Variants in DYRK1A observed in about 807,000 individuals in gnomAD.
DYRK1A encodes the protein dual specificity tyrosine-phosphorylation-regulated kinase 1A.
A neutral mutation model predicts 79.7 loss-of-function variants in DYRK1A; 9 were observed. That is an observed-to-expected ratio of 0.11 (90% CI 0.07 to 0.20). The LOEUF (loss-of-function observed/expected upper bound fraction) is 0.20. DYRK1A is among the 10% of genes least tolerant of loss of function. The pLI is 1.00. For synonymous variants in DYRK1A, 349 were observed against 329.7 expected, an observed-to-expected ratio of 1.06 and a Z score of -0.63; for missense variants, 622 against 956.0, an observed-to-expected ratio of 0.65 and a Z score of 4.61.
rs2053898325 is a variant in DYRK1A, at chr21:37,518,006, T to C, written c.*5475T>C. On this transcript the variant is annotated 3_prime_UTR_variant, in exon 12 of 12. Coordinates refer to ENST00000647188, the MANE Select transcript of DYRK1A (RefSeq NM_001347721.2). The stretch of plus-strand genomic sequence containing the variant: ...ACAACTGGGCTAGGTGATCCTCCCA[T>C]CTCAGCCTCCCAAGTAGCTGGGACT... 6.6e-6 allele frequency: 1 copy of C among 152,182 alleles called. No individual in the cohort carries two copies. The allele number at this position is 152,182 out of a possible 1,614,324, so 9.4% of individuals were successfully genotyped here.
chr21:37,436,441 C>T (rs192268345), intron 2 of DYRK1A, among the ~76,000 whole-genome samples: 1 of 152,262 alleles, frequency 6.6e-6, no homozygotes, highest in East Asian at 1.9e-4. Flanking sequence ...TTCCAGCTAG[C>T]ACCATTTCTG....
intron 2 of DYRK1A, among the ~76,000 whole-genome samples, chr21:37,453,336 C>G (rs185074682): frequency 7.0e-4 from 106 of 152,260 alleles, no homozygotes; most frequent in African/African-American, 2.4e-3. Context: ...CTATTGTTGA[C>G]TGCATTGGAC....
At chr21:37,477,645 G>A (rs1208450970) in intron 3 of DYRK1A, among the ~76,000 whole-genome samples, 1 of 152,176 alleles carries the variant, frequency 6.6e-6, no homozygotes, top group Non-Finnish European at 1.5e-5. Flanking sequence ...ATTTGTCAGA[G>A]GGCAGCAGGG....
At chr21:37,496,285 G>A (rs2053267032) in intron 9 of DYRK1A, 27 bp downstream of exon 9, 1 of 1,583,836 alleles carries the variant, frequency 6.3e-7, no homozygotes, top group Admixed American at 1.9e-5. Context: ...TCTGTTTTGA[G>A]CCTTTATTAA....
At chr21:37,494,341 T>C (rs1281934966) in intron 8 of DYRK1A, among the ~76,000 whole-genome samples, 5 of 152,092 alleles carry the variant, frequency 3.3e-5, no homozygotes, top group African/African-American at 1.2e-4. Flanking sequence ...ATGTTACTCA[T>C]TGTAAAGGCC....
intron 2 of DYRK1A, 81 bp downstream of exon 2, chr21:37,420,465 TC>T (rs1235360528): frequency 7.7e-6 from 11 of 1,430,860 alleles, no homozygotes; most frequent in Non-Finnish European, 1.1e-5. Context: ...GGGGGAGGTT[TC>T]TGATAAATAG....
chr21:37,511,454 A>G (rs953135789), intron 11 of DYRK1A, among the ~76,000 whole-genome samples: 1 of 152,244 alleles, frequency 6.6e-6, no homozygotes, highest in Non-Finnish European at 1.5e-5. Flanking sequence ...AGGTAGACTC[A>G]TAAGTTCTTG....
upstream of DYRK1A, among the ~76,000 whole-genome samples, chr21:37,366,697 CTCGGGGCTGGG>C (rs1280249774): frequency 6.6e-6 from 1 of 151,778 alleles, no homozygotes; most frequent in Non-Finnish European, 1.5e-5. Context: ...CGCCCGCCGG[CTCGGGGCTGGG>C]GGGCGGGAGG....
chr21:37,416,631 A>T (rs1426172398), intron 1 of DYRK1A, among the ~76,000 whole-genome samples: 2 of 152,136 alleles, frequency 1.3e-5, no homozygotes, highest in African/African-American at 4.8e-5. Flanking sequence ...AATGAGCCAA[A>T]GTTTATAAGA....
At chr21:37,465,720 C>T (rs1222091543) in intron 2 of DYRK1A, among the ~76,000 whole-genome samples, 1 of 151,880 alleles carries the variant, frequency 6.6e-6, no homozygotes, top group African/African-American at 2.4e-5. Context: ...GCCTGTAATC[C>T]CAGCTAGTTG....
rs866922927 is a variant in DYRK1A at position 37,417,537 on chromosome 21, T to C, written c.-76-2762T>C. Reference sequence around the variant, plus strand: ...TTTTTCTTTTTCTTTTTCTTTTTTTTTTTTTTTTTTTTTTTTTACAAATCT... The same window carrying C: ...TTTTTCTTTTTCTTTTTCTTTTTTTCTTTTTTTTTTTTTTTTTACAAATCT... On this transcript the variant is annotated intron_variant, in intron 1 of 11. Transcript: ENST00000647188. Among the ~76,000 whole-genome samples the C allele has an allele frequency of 4.7e-3, 505 of 107,348 alleles. 6 individuals carry two copies. The highest frequency in any genetic ancestry group is 0.039 in the East Asian group (176 of 4,508). The allele number at this position is 107,348 out of a possible 152,430, so 70.4% of individuals were successfully genotyped here.
intron 2 of DYRK1A, among the ~76,000 whole-genome samples, chr21:37,428,301 A>G (rs2050682808): frequency 6.6e-6 from 1 of 152,234 alleles, no homozygotes; most frequent in Admixed American, 6.5e-5. Flanking sequence ...TTTATTTATT[A>G]GTGTAATGCC....
intron 1 of DYRK1A, among the ~76,000 whole-genome samples, chr21:37,373,391 A>G (rs1437262413): frequency 1.3e-5 from 2 of 152,208 alleles, no homozygotes; most frequent in Non-Finnish European, 2.9e-5. Flanking sequence ...GTTGGTAGCT[A>G]ATATTTAAGA....
chr21:37,475,306 T>C lies in DYRK1A; in HGVS notation c.207+2426T>C, dbSNP rs140474302. Among the ~76,000 whole-genome samples, 800 of 152,312 alleles carry C rather than the reference T, an allele frequency of 5.3e-3. 6 individuals carry two copies. The highest frequency in any genetic ancestry group is 0.019 in the African/African-American group (775 of 41,570). On this transcript the variant is annotated intron_variant, in intron 3 of 11. Transcript: ENST00000647188. Reference sequence around the variant, plus strand: ...CCTGGGTCCTCTGAACACCATGGACTTAACTTTTTGCTGTAGAAGGTAGAA... The same window carrying C: ...CCTGGGTCCTCTGAACACCATGGACCTAACTTTTTGCTGTAGAAGGTAGAA...
chr21:37,476,051 T>C (rs1402388130), intron 3 of DYRK1A, among the ~76,000 whole-genome samples: 1 of 152,198 alleles, frequency 6.6e-6, no homozygotes, highest in Non-Finnish European at 1.5e-5. Flanking sequence ...ACTAGAGGCG[T>C]AACATTGATA....
chr21:37,493,241 G>A, intron 8 of DYRK1A, 78 bp downstream of exon 8: 6 of 1,448,964 alleles, frequency 4.1e-6, no homozygotes. Flanking sequence ...TAATTTAAAA[G>A]TTGTTTTTAG....
At chr21:37,454,565 T>C (rs2051572046) in intron 2 of DYRK1A, among the ~76,000 whole-genome samples, 1 of 152,196 alleles carries the variant, frequency 6.6e-6, no homozygotes, top group Non-Finnish European at 1.5e-5. Context: ...TTTCAGGTAA[T>C]GATATTCTAA....
chr21:37,434,960 GC>G (rs1425421166), intron 2 of DYRK1A, among the ~76,000 whole-genome samples: 1 of 152,194 alleles, frequency 6.6e-6, no homozygotes, highest in Non-Finnish European at 1.5e-5. Flanking sequence ...GTTGATGGCA[GC>G]ATCTGTTAGA....
chr21:37,432,340 G>C (rs751407810), intron 2 of DYRK1A, among the ~76,000 whole-genome samples: 1 of 152,116 alleles, frequency 6.6e-6, no homozygotes, highest in Non-Finnish European at 1.5e-5. Context: ...TTATCTTCTA[G>C]CTTTATAAAC....
Sources: gnomAD v4.1 joint callset for allele counts (sites outside exome capture counted in the v4.1 genomes callset) on GRCh38, gnomAD v4.1.1 for gene constraint, MANE v1.5 for transcripts, NCBI Gene and HGNC (gene_info 2026-07-23, HGNC 2026-07-21) for gene names.